The following NAV3 variants were observed in gnomAD, a reference collection of about 807,000 sequenced individuals.
NAV3 encodes pore membrane and/or filament interacting like protein 1.
Under a neutral mutation model 244.7 loss-of-function variants are expected in NAV3, and 87 were observed. The ratio of observed to expected loss-of-function variants is 0.36; its 90% confidence interval spans 0.30 to 0.42. The LOEUF is 0.42. NAV3 is among the 20% of genes least tolerant of loss of function. The pLI, the probability that NAV3 is intolerant of heterozygous loss-of-function variation, is 1.00. For missense variants in NAV3, 2,663 were observed against 2,893.3 expected (o/e 0.92, Z 1.83); for synonymous variants, 1,126 against 1,042.2 (o/e 1.08, Z -1.55).
intron 5 of NAV3, among the ~76,000 whole-genome samples, chr12:77,987,771 G>A (rs768758043): frequency 9.2e-5 from 14 of 152,206 alleles, no homozygotes; most frequent in East Asian, 1.9e-4. Flanking sequence ...AAGACATATC[G>A]AGATATTCAG....
At chr12:77,733,826 TG>T (rs1048970108) in intron 2 of NAV3, among the ~76,000 whole-genome samples, 44 of 138,742 alleles carry the variant, frequency 3.2e-4, no homozygotes, top group African/African-American at 1.2e-3. Flanking sequence ...CTAATTGACT[TG>T]GTTTAGATTT....
rs530843833 is a variant in NAV3, at chr12:78,160,163, A to C, written c.4869+877A>C. 2.6e-5 allele frequency among the ~76,000 whole-genome samples: 4 copies of C among 152,276 alleles called. No homozygotes were observed. In the South Asian group the frequency reaches 8.3e-4, roughly 32 times the overall value. ...ATATCAAAATACTTAAAATGAACCTAAAGGATTTTATGGTATGAAAGAAGG... is the reference window on the plus strand; with the variant it reads ...ATATCAAAATACTTAAAATGAACCTCAAGGATTTTATGGTATGAAAGAAGG... On this transcript the variant is annotated intron_variant, in intron 23 of 39. Transcript: ENST00000397909.
chr12:78,102,722 G>A (rs998056260), intron 12 of NAV3, among the ~76,000 whole-genome samples: 5 of 152,178 alleles, frequency 3.3e-5, no homozygotes, highest in Non-Finnish European at 2.9e-5. Context: ...CCCAAACCTC[G>A]ATTCTTAATT....
intron 10 of NAV3, among the ~76,000 whole-genome samples, chr12:78,050,387 T>C (rs568203802): frequency 6.6e-6 from 1 of 152,320 alleles, no homozygotes; most frequent in East Asian, 1.9e-4. Context: ...ATACCTGTCC[T>C]AGAAAACAGT....
chr12:77,875,991 AT>A (rs1565880781), intron 1 of NAV3, among the ~76,000 whole-genome samples: 1 of 152,052 alleles, frequency 6.6e-6, no homozygotes, highest in Non-Finnish European at 1.5e-5. Context: ...GATAGATAGA[AT>A]GACACTGAAA....
At chr12:77,601,311 A>G (rs1328736538) in intron 2 of NAV3, among the ~76,000 whole-genome samples, 8 of 151,982 alleles carry the variant, frequency 5.3e-5, no homozygotes, top group Middle Eastern at 3.2e-3. Context: ...GTACTTTACA[A>G]TTGCTAAGCT....
chr12:78,016,012 G>GC (rs997364262), intron 8 of NAV3, among the ~76,000 whole-genome samples: 9 of 152,040 alleles, frequency 5.9e-5, no homozygotes, highest in African/African-American at 2.2e-4. Context: ...GCCACTGGGA[G>GC]CCCCTTCAAA....
intron 12 of NAV3, among the ~76,000 whole-genome samples, chr12:78,099,109 T>C (rs1403079591): frequency 6.6e-6 from 1 of 151,700 alleles, no homozygotes; most frequent in Non-Finnish European, 1.5e-5. Context: ...CCTAATACAA[T>C]AATTCTAAAC....
chr12:78,182,713 G>GT (rs529587128), intron 30 of NAV3, among the ~76,000 whole-genome samples: 1 of 151,536 alleles, frequency 6.6e-6, no homozygotes, highest in South Asian at 2.1e-4. Flanking sequence ...CAAGTTTTAC[G>GT]TTTTTTTAAT....
In NAV3 at chr12:78,178,893, A is replaced by G. The variant is rs974379509; in HGVS notation, c.5364-636A>G. Among the ~76,000 whole-genome samples the G allele has an allele frequency of 2.6e-5, 4 of 152,134 alleles. No homozygotes were observed. The South Asian group carries it at 8.3e-4, about 31-fold the overall frequency. The stretch of plus-strand genomic sequence containing the variant: ...AGGATACAATGTGTTTCCTTCAAAC[A>G]GCCCTCAGCTAGCCTGCTAACAGGG... On this transcript the variant is annotated intron_variant, in intron 28 of 39. Transcript: ENST00000397909.
At chr12:77,583,802 A>G (rs140676913) in intron 2 of NAV3, among the ~76,000 whole-genome samples, 10 of 152,284 alleles carry the variant, frequency 6.6e-5, no homozygotes, top group Non-Finnish European at 1.2e-4. Flanking sequence ...AACATGGCCC[A>G]TGGGACCCGA....
At chr12:77,810,498 C>G (rs1473827190) in intron 2 of NAV3, among the ~76,000 whole-genome samples, 3 of 152,138 alleles carry the variant, frequency 2.0e-5, no homozygotes, top group Admixed American at 2.0e-4. Context: ...TATCAATAAT[C>G]TGATCTTTTA....
intron 2 of NAV3, among the ~76,000 whole-genome samples, chr12:77,770,554 C>G (rs1204129253): frequency 6.6e-6 from 1 of 152,118 alleles, no homozygotes; most frequent in Non-Finnish European, 1.5e-5. Context: ...GGCAGCTTGC[C>G]CCAGTGGTTG....
In NAV3 at chr12:78,052,326, A is replaced by C. The variant is rs543333374; in HGVS notation, c.2516+1179A>C. 4.6e-5 allele frequency: 7 copies of C among 152,256 alleles called. No individual in the cohort carries two copies. In the East Asian group the frequency reaches 1.4e-3, roughly 29 times the overall value. 9.4% of individuals were successfully genotyped at this position (152,256 alleles called of 1,614,324 possible). A position where few individuals can be genotyped will look rare whatever the true frequency, so the allele number is the denominator to read the frequency against. Reference sequence around the variant, plus strand: ...TATCCACCCTACCTGACTTTCTAAAAATTTAGAATTATAGAGACTAATTAT... The same window carrying C: ...TATCCACCCTACCTGACTTTCTAAACATTTAGAATTATAGAGACTAATTAT... On this transcript the variant is annotated intron_variant, in intron 11 of 39. Coordinates refer to ENST00000397909, the MANE Select transcript of NAV3 (RefSeq NM_001024383.2).
chr12:77,726,538 CAG>C (rs1876886027), intron 2 of NAV3, among the ~76,000 whole-genome samples: 2 of 151,320 alleles, frequency 1.3e-5, no homozygotes, highest in Non-Finnish European at 3.0e-5. Context: ...GTGGGCATGA[CAG>C]TGGAGACAGG....
chr12:78,104,144 G>C (rs1593595541), intron 12 of NAV3, among the ~76,000 whole-genome samples: 1 of 152,116 alleles, frequency 6.6e-6, no homozygotes, highest in Non-Finnish European at 1.5e-5. Context: ...GATTGAGATT[G>C]AGGTTACTAT....
At chr12:78,025,937 C>G (rs918611721) in intron 9 of NAV3, among the ~76,000 whole-genome samples, 2 of 152,148 alleles carry the variant, frequency 1.3e-5, no homozygotes, top group Non-Finnish European at 2.9e-5. Flanking sequence ...CCAAATAAAC[C>G]TCTTTTCTTC....
chr12:77,839,317 C>T (rs1875212926), intron 1 of NAV3, among the ~76,000 whole-genome samples: 1 of 152,196 alleles, frequency 6.6e-6, no homozygotes, highest in South Asian at 2.1e-4. Context: ...TAATTTTCTT[C>T]ACCATATATC....
intron 2 of NAV3, among the ~76,000 whole-genome samples, chr12:77,692,403 T>C (rs1290419266): frequency 6.6e-6 from 1 of 152,110 alleles, no homozygotes; most frequent in Non-Finnish European, 1.5e-5. Flanking sequence ...TTTATTCCAT[T>C]AAGGAAATCA....
Sources: allele counts gnomAD v4.1 joint callset (sites outside exome capture counted in the v4.1 genomes callset), GRCh38; gene constraint gnomAD v4.1.1; transcripts MANE v1.5; gene names NCBI Gene and HGNC (gene_info 2026-07-23, HGNC 2026-07-21).